PARL: variants seen among roughly 807,000 people sequenced by gnomAD.
The protein encoded by PARL is presenilin-associated rhomboid-like protein, mitochondrial.
PARL carries 44 observed loss-of-function variants against 51.6 expected under a neutral mutation model. The ratio of observed to expected loss-of-function variants is 0.85; its 90% CI spans 0.67 to 1.10. PARL has a LOEUF of 1.10. Among genes scored for constraint, PARL ranks in the 50% least tolerant of loss-of-function variants. The probability of loss-of-function intolerance (pLI) is 0.00; values close to 1 mark genes in which losing one functional copy is unlikely to be tolerated. For missense variants in PARL, 441 were observed against 469.5 expected (o/e 0.94, Z 0.56); for synonymous variants, 172 against 164.0 (o/e 1.05, Z -0.37).
intron 3 of PARL, among the ~76,000 whole-genome samples, chr3:183,865,882 CTTTT>C (rs35207471): frequency 1.4e-5 from 2 of 141,874 alleles, no homozygotes. Flanking sequence ...AATTTCTTTT[CTTTT>C]TTTTTTTTTT....
At chr3:183,884,693 C>G (rs762851562) in intron 1 of PARL, 29 bp downstream of exon 1, 2 of 1,578,526 alleles carry the variant, frequency 1.3e-6, no homozygotes, top group Non-Finnish European at 1.7e-6. Context: ...GACCAAGAGG[C>G]GAGAAGACCA....
At chr3:183,860,706 T>TAAA (rs1319813127) in intron 4 of PARL, among the ~76,000 whole-genome samples, 1 of 152,120 alleles carries the variant, frequency 6.6e-6, no homozygotes, top group East Asian at 1.9e-4. Flanking sequence ...TTAAATGGCA[T>TAAA]AAAATCATGA....
chr3:183,869,630 G>C (rs550206299), intron 1 of PARL, among the ~76,000 whole-genome samples: 43 of 152,120 alleles, frequency 2.8e-4, no homozygotes, highest in African/African-American at 9.4e-4. Flanking sequence ...TATTCAGTGA[G>C]GAATATCATA....
chr3:183,884,594 G>A, intron 1 of PARL, 128 bp downstream of exon 1: 2 of 878,718 alleles, frequency 2.3e-6, no homozygotes, highest in Non-Finnish European at 3.5e-6. Context: ...GGAGAGAGAA[G>A]GGGCAGGTAA....
intron 7 of PARL, among the ~76,000 whole-genome samples, chr3:183,834,026 G>A (rs956681617): frequency 6.6e-6 from 1 of 152,174 alleles, no homozygotes; most frequent in Non-Finnish European, 1.5e-5. Context: ...TAATCGCTTG[G>A]AAAGACTGAA....
intron 1 of PARL, among the ~76,000 whole-genome samples, chr3:183,876,669 A>C (rs1205921521): frequency 2.1e-5 from 3 of 144,756 alleles, no homozygotes; most frequent in South Asian, 4.3e-4. Context: ...GAAAGAAAGA[A>C]AAAGAAATAT....
intron 4 of PARL, among the ~76,000 whole-genome samples, chr3:183,859,079 G>A (rs1731499627): frequency 6.6e-6 from 1 of 152,216 alleles, no homozygotes; most frequent in Non-Finnish European, 1.5e-5. Flanking sequence ...GGCCGAGGCG[G>A]TGGATCACGA....
chr3:183,853,297 T>A (rs1487105593), intron 4 of PARL, among the ~76,000 whole-genome samples: 1 of 152,112 alleles, frequency 6.6e-6, no homozygotes, highest in African/African-American at 2.4e-5. Flanking sequence ...TGCAAGTGGC[T>A]CATGCCTGTA....
At chr3:183,836,322 G>A (rs1450879564) in intron 7 of PARL, among the ~76,000 whole-genome samples, 1 of 148,364 alleles carries the variant, frequency 6.7e-6, no homozygotes, top group Non-Finnish European at 1.5e-5. Context: ...GTCGTTATCT[G>A]TACAATTCCA....
chr3:183,867,039 G>C (rs1006594811), intron 2 of PARL, among the ~76,000 whole-genome samples: 3 of 152,006 alleles, frequency 2.0e-5, no homozygotes, highest in African/African-American at 7.2e-5. Context: ...TCAGCCTCTG[G>C]AGTAGCTAGG....
chr3:183,882,136 G>A (rs976070793), intron 1 of PARL, among the ~76,000 whole-genome samples: 5 of 147,192 alleles, frequency 3.4e-5, no homozygotes, highest in Admixed American at 6.8e-5. Flanking sequence ...CCCGGGAGGC[G>A]GAAGTTGCAG....
intron 7 of PARL, among the ~76,000 whole-genome samples, chr3:183,838,056 A>G (rs1577290663): frequency 7.0e-6 from 1 of 143,874 alleles, no homozygotes; most frequent in South Asian, 2.2e-4. Flanking sequence ...GGGTCTCGCT[A>G]TGTTGTCCAG....
intron 7 of PARL, among the ~76,000 whole-genome samples, chr3:183,839,578 CT>C (rs1362602894): frequency 6.6e-6 from 1 of 152,054 alleles, no homozygotes; most frequent in Admixed American, 6.6e-5. Flanking sequence ...ACAACCACAC[CT>C]GGCTAATTAT....
chr3:183,834,679 T>C (rs1024282631), intron 7 of PARL, among the ~76,000 whole-genome samples: 2 of 152,068 alleles, frequency 1.3e-5, no homozygotes, highest in African/African-American at 4.8e-5. Flanking sequence ...TGTCAAAGCT[T>C]ACCAAACTTT....
At chr3:183,844,170 T>C (rs1000102627) in intron 5 of PARL, 61 bp downstream of exon 5, 15 of 1,151,472 alleles carry the variant, frequency 1.3e-5, no homozygotes, top group African/African-American at 3.0e-5. Context: ...TTCCATTAAC[T>C]AAAGCATATT....
chr3:183,859,676 TAAC>T (rs1731584173), intron 4 of PARL, among the ~76,000 whole-genome samples: 3 of 152,228 alleles, frequency 2.0e-5, no homozygotes, highest in Admixed American at 2.0e-4. Context: ...GATGCCACCT[TAAC>T]AATAAAATAA....
Position 183,833,392 on chromosome 3 carries a change from A to G in PARL, c.1028+100T>C, listed in dbSNP as rs1728178775. On this transcript the variant is annotated intron_variant, in intron 9 of 9. Coordinates refer to ENST00000317096, the MANE Select transcript of PARL (RefSeq NM_018622.7). ...TGCTTCTGCTTCCGTTGCATAGTTCAATGTCTCTGCCATGGGGATGGGGGG... is the reference window on the plus strand; with the variant it reads ...TGCTTCTGCTTCCGTTGCATAGTTCGATGTCTCTGCCATGGGGATGGGGGG... 8.9e-6 allele frequency: 7 copies of G among 784,224 alleles called. No homozygotes were observed. In the Admixed American group the frequency reaches 1.1e-4, roughly 13 times the overall value. 48.6% of individuals were successfully genotyped at this position (784,224 alleles called of 1,614,324 possible).
At chr3:183,838,919 A>C (rs1314638303) in intron 7 of PARL, among the ~76,000 whole-genome samples, 3 of 152,204 alleles carry the variant, frequency 2.0e-5, no homozygotes, top group Admixed American at 6.6e-5. Flanking sequence ...CATTCCTTTC[A>C]GTGTGTATTA....
intron 9 of PARL, among the ~76,000 whole-genome samples, chr3:183,832,499 G>A (rs912756757): frequency 2.6e-5 from 4 of 152,134 alleles, no homozygotes; most frequent in East Asian, 1.9e-4. Flanking sequence ...GATTACAGGC[G>A]TGAGCCACTG....
Sources: allele counts gnomAD v4.1 joint callset (sites outside exome capture counted in the v4.1 genomes callset), GRCh38; gene constraint gnomAD v4.1.1; transcripts MANE v1.5; gene names NCBI Gene and HGNC (gene_info 2026-07-23, HGNC 2026-07-21).